The following VIL1 variants were observed in gnomAD, a reference collection of about 807,000 sequenced individuals.
VIL1 encodes the protein villin-1.
In VIL1, 86 loss-of-function variants were observed where a neutral mutation model predicts 104.0. The observed-to-expected ratio is 0.83, with a 90% confidence interval of 0.69 to 0.99. The LOEUF (loss-of-function observed/expected upper bound fraction) is 0.99. Ranked by LOEUF, VIL1 falls within the 50% of genes least tolerant of loss-of-function variation. The probability of loss-of-function intolerance (pLI) is 0.00; values close to 1 mark genes in which losing one functional copy is unlikely to be tolerated. For synonymous variants in VIL1, 394 were observed against 412.6 expected (o/e 0.95, Z 0.55); for missense variants, 944 against 1,054.1 (o/e 0.90, Z 1.45).
At chr2:218,438,231 A>G (rs1689228049) in intron 17 of VIL1, among the ~76,000 whole-genome samples, 1 of 152,106 alleles carries the variant, frequency 6.6e-6, no homozygotes, top group South Asian at 2.1e-4. Context: ...GACTCCTCAG[A>G]GCCATGGTCC....
In VIL1 at chr2:218,423,925, TG is replaced by T. The variant is rs930208135; in HGVS notation, c.75+75del. 24 of 1,561,874 alleles carry T rather than the reference TG, an allele frequency of 1.5e-5. 2 individuals carry two copies. In the Admixed American group the frequency reaches 3.2e-4, roughly 21 times the overall value. Reference sequence around the variant, plus strand: ...GGAGGCAAGGCCAAGGAGGGAGGCCTGGGATTTCTCTTCGTTTCCTCTGCTC... The same window carrying T: ...GGAGGCAAGGCCAAGGAGGGAGGCCTGGATTTCTCTTCGTTTCCTCTGCTC... On this transcript the variant is annotated intron_variant, in intron 2 of 19. Coordinates refer to ENST00000248444, the MANE Select transcript of VIL1 (RefSeq NM_007127.3).
At chr2:218,446,974 G>A (rs1355592050) in intron 19 of VIL1, among the ~76,000 whole-genome samples, 1 of 152,050 alleles carries the variant, frequency 6.6e-6, no homozygotes, top group African/African-American at 2.4e-5. Flanking sequence ...ATGTTGGTCA[G>A]GCTGGTCTCG....
intron 1 of VIL1, among the ~76,000 whole-genome samples, chr2:218,421,998 A>C (rs1688905040): frequency 1.3e-5 from 2 of 152,304 alleles, no homozygotes; most frequent in East Asian, 1.9e-4. Flanking sequence ...TCACGCCTGT[A>C]ATTCCAGCAA....
rs764181067 is a variant in VIL1, at chr2:218,438,704, G to C, written c.2207G>C (p.Arg736Thr). 3 of 1,612,430 alleles carry C rather than the reference G, an allele frequency of 1.9e-6. No homozygotes were observed. The highest frequency in any genetic ancestry group is 8.5e-7 in the Non-Finnish European group (1 of 1,179,670). The change falls in exon 18 of 20, where the codon AGG (arginine) becomes ACG (threonine). Residue 736 changes from arginine to threonine, a missense_variant. Arg to Thr is a moderately conservative substitution (Grantham distance 71). Transcript: ENST00000248444. Reference sequence around the variant, plus strand: ...CTGAAGGCGGAGCTTGGCAACTCTAGGGACTGGAGCCAGATCACTGCTGTG... The same window carrying C: ...CTGAAGGCGGAGCTTGGCAACTCTACGGACTGGAGCCAGATCACTGCTGTG... ...EDLKAELGNS[R>T]DWSQITAEVT... is the part of the protein sequence containing the mutation.
intron 15 of VIL1, among the ~76,000 whole-genome samples, 200 bp downstream of exon 15, chr2:218,435,634 C>T (rs1444527831): frequency 6.6e-6 from 1 of 152,238 alleles, no homozygotes; most frequent in African/African-American, 2.4e-5. Flanking sequence ...TGTGTCTGTG[C>T]TGCTCACTAC....
At position 218,432,774 on chromosome 2, in the gene VIL1, C is replaced by T. The variant is rs1689121601; in HGVS notation, c.1342-19C>T. 1.2e-6 allele frequency: 2 copies of T among 1,613,610 alleles called. No homozygotes were observed. The highest frequency in any genetic ancestry group is 1.7e-6 in the Non-Finnish European group (2 of 1,179,810). ...GGGGGCTGACCCAATCCCACTCACT[C>T]CCTCCTGCTCATCCCCAGGGCAGCC... On this transcript the variant is annotated intron_variant, in intron 12 of 19. Transcript: ENST00000248444.
At chr2:218,436,456 A>C (rs757465280) in intron 15 of VIL1, 26 bp from the exon 16 acceptor site, 1 of 1,605,902 alleles carries the variant, frequency 6.2e-7, no homozygotes, top group South Asian at 1.1e-5. Context: ...TCCTTCTGCC[A>C]GTACAATCTT....
intron 1 of VIL1, among the ~76,000 whole-genome samples, chr2:218,422,578 C>T (rs572059002): frequency 7.9e-5 from 12 of 152,296 alleles, no homozygotes; most frequent in East Asian, 7.7e-4. Flanking sequence ...AACTCTAGAA[C>T]GCCAGGGAAG....
chr2:218,430,828 C>A lies in VIL1; in HGVS notation c.1052C>A (p.Ala351Glu). 1 of 1,613,978 alleles carries A rather than the reference C, an allele frequency of 6.2e-7. No homozygotes were observed. The highest frequency in any genetic ancestry group is 8.5e-7 in the Non-Finnish European group (1 of 1,179,966). The change falls in exon 10 of 20, where the codon GCG becomes GAG. Residue 351 changes from alanine to glutamate, a missense_variant. Ala to Glu is a moderately radical substitution (Grantham distance 107). Coordinates refer to ENST00000248444, the MANE Select transcript of VIL1 (RefSeq NM_007127.3). Reference sequence around the variant, plus strand: ...CAGCAGCTCTTCCAGAAGTGGACAGCGTCCAACCGGACCTCAGGCCTAGGC... The same window carrying A: ...CAGCAGCTCTTCCAGAAGTGGACAGAGTCCAACCGGACCTCAGGCCTAGGC... ...VFQQLFQKWT[A>E]SNRTSGLGKT...
intron 19 of VIL1, among the ~76,000 whole-genome samples, chr2:218,446,436 T>C (rs1285293484): frequency 6.6e-6 from 1 of 152,184 alleles, no homozygotes; most frequent in Admixed American, 6.5e-5. Context: ...GGTTTCACCA[T>C]GTTGGCCAGG....
intron 19 of VIL1, among the ~76,000 whole-genome samples, chr2:218,446,889 GAGTAGC>G (rs1298265649): frequency 4.8e-4 from 73 of 151,110 alleles, no homozygotes; most frequent in Admixed American, 2.8e-3. Flanking sequence ...TCAGCCTCCG[GAGTAGC>G]TGGGATTACA....
At position 218,429,619 on chromosome 2, in the gene VIL1, CTGG is replaced by C; in HGVS notation, c.799_801del (p.Val267del). 1 of 1,614,130 alleles carries C rather than the reference CTGG, an allele frequency of 6.2e-7. No homozygotes were observed. The highest frequency in any genetic ancestry group is 8.5e-7 in the Non-Finnish European group (1 of 1,180,030). ...CAGTGTGTCTGACTCCGAGGGGAAT[CTGG>C]TGGTGAGGGAAGTCGCCACACGGCC... On this transcript the variant is annotated inframe_deletion, in exon 8 of 20. Coordinates refer to ENST00000248444, the MANE Select transcript of VIL1 (RefSeq NM_007127.3).
chr2:218,436,818 G>A lies in VIL1; in HGVS notation c.1971+192G>A, dbSNP rs191038927. Among the ~76,000 whole-genome samples the A allele has an allele frequency of 9.3e-4, 141 of 152,334 alleles. No homozygotes were observed. In the South Asian group the frequency reaches 0.015, roughly 16 times the overall value. Reference sequence around the variant, plus strand: ...AGGAACATGCTCAGAGGGGCTGCAGGGAAGAACGTATTCTCTCCCAAAGTC... The same window carrying A: ...AGGAACATGCTCAGAGGGGCTGCAGAGAAGAACGTATTCTCTCCCAAAGTC... On this transcript the variant is annotated intron_variant, in intron 16 of 19. Transcript: ENST00000248444.
intron 19 of VIL1, among the ~76,000 whole-genome samples, chr2:218,446,760 C>CTT (rs71064450): frequency 0.015 from 1,884 of 125,404 alleles, 198 homozygotes; most frequent in African/African-American, 0.062. Context: ...GTGACCTTGA[C>CTT]TTTTTTTTTT....
At position 218,429,842 on chromosome 2, in the gene VIL1, A is replaced by T; in HGVS notation, c.850-7A>T. ...CTCCATCAGACTCTTACCTCTCCCG[A>T]CTCTAGGACTGTTACATCCTGGACC... On this transcript the variant is annotated splice_polypyrimidine_tract_variant and splice_region_variant and intron_variant, in intron 8 of 19. Coordinates refer to ENST00000248444, the MANE Select transcript of VIL1 (RefSeq NM_007127.3). 6.2e-7 allele frequency: 1 copy of T among 1,611,736 alleles called. No individual in the cohort carries two copies. The highest frequency in any genetic ancestry group is 8.5e-7 in the Non-Finnish European group (1 of 1,178,948).
In VIL1 at chr2:218,432,407, A is replaced by G. The variant is rs1574815571; in HGVS notation, c.1341+224A>G. 7 of 772,666 alleles carry G rather than the reference A, an allele frequency of 9.1e-6. No homozygotes were observed. In the East Asian group the frequency reaches 1.6e-4, roughly 18 times the overall value. 47.9% of individuals were successfully genotyped at this position (772,666 alleles called of 1,614,324 possible). ...CCTTCCAATTTTCATTGCCTTCTGCACATTCTTGTCACCTGCTCTGCCCAT... is the reference window on the plus strand; with the variant it reads ...CCTTCCAATTTTCATTGCCTTCTGCGCATTCTTGTCACCTGCTCTGCCCAT... On this transcript the variant is annotated intron_variant, in intron 12 of 19. Coordinates refer to ENST00000248444, the MANE Select transcript of VIL1 (RefSeq NM_007127.3).
chr2:218,435,537 CTG>C (rs1689174561), intron 15 of VIL1, 103 bp downstream of exon 15: 7 of 1,454,058 alleles, frequency 4.8e-6, no homozygotes, highest in East Asian at 4.9e-5. Flanking sequence ...ACTGAGGACT[CTG>C]TGTGTCAGGC....
chr2:218,438,836 A>G (rs528818381), intron 18 of VIL1, 110 bp downstream of exon 18: 105 of 825,478 alleles, frequency 1.3e-4, no homozygotes, highest in Admixed American at 1.2e-3. Context: ...TTTCCCTCCT[A>G]TTTCTCCCCC....
intron 19 of VIL1, 109 bp downstream of exon 19, chr2:218,440,971 G>C: frequency 7.4e-7 from 1 of 1,343,902 alleles, no homozygotes; most frequent in Admixed American, 2.3e-5. Context: ...GAACAAGACA[G>C]ATGGGATCCT....
Sources: gnomAD v4.1 joint callset for allele counts (sites outside exome capture counted in the v4.1 genomes callset) on GRCh38, gnomAD v4.1.1 for gene constraint, MANE v1.5 for transcripts, NCBI Gene and HGNC (gene_info 2026-07-23, HGNC 2026-07-21) for gene names.